ZBBX: variants seen among roughly 807,000 people sequenced by gnomAD.
ZBBX encodes zinc finger B-box domain containing.
In ZBBX, 101 loss-of-function variants were observed where a neutral mutation model predicts 108.5. That is an observed-to-expected ratio of 0.93 (90% CI 0.79 to 1.10). ZBBX has a LOEUF of 1.10. Ranked by LOEUF, ZBBX falls within the 50% of genes least tolerant of loss-of-function variation. The pLI is 0.00. For synonymous variants in ZBBX, 356 were observed against 323.4 expected, an observed-to-expected ratio of 1.10 and a Z score of -1.08; for missense variants, 1,009 against 941.4, an observed-to-expected ratio of 1.07 and a Z score of -0.94.
intron 1 of ZBBX, among the ~76,000 whole-genome samples, chr3:167,387,578 G>T (rs1747956343): frequency 6.6e-6 from 1 of 151,990 alleles, no homozygotes; most frequent in African/African-American, 2.4e-5. Flanking sequence ...TAGAATATAA[G>T]CATAGAGAAT....
chr3:167,362,138 T>C (rs1240161987), intron 6 of ZBBX, among the ~76,000 whole-genome samples: 1 of 152,060 alleles, frequency 6.6e-6, no homozygotes, highest in Non-Finnish European at 1.5e-5. Flanking sequence ...AACACACATA[T>C]ACACATATAT....
chr3:167,349,549 G>A (rs1742282802), intron 9 of ZBBX, among the ~76,000 whole-genome samples: 1 of 151,866 alleles, frequency 6.6e-6, no homozygotes, highest in African/African-American at 2.4e-5. Flanking sequence ...CACCCTTGAT[G>A]GCTACTGATA....
chr3:167,248,589 T>C (rs1394767975), intron 20 of ZBBX: 5 of 456,530 alleles, frequency 1.1e-5, no homozygotes, highest in South Asian at 7.7e-5. Flanking sequence ...TAAACAGATA[T>C]AAACAGCCTC....
intron 1 of ZBBX, among the ~76,000 whole-genome samples, chr3:167,405,875 G>A (rs1405645728): frequency 6.6e-6 from 1 of 152,130 alleles, no homozygotes; most frequent in African/African-American, 2.4e-5. Context: ...TTCAAGGCCA[G>A]CCTGGCCAAC....
At chr3:167,235,804 G>T (rs571994250), downstream of ZBBX, among the ~76,000 whole-genome samples, 1 of 151,328 alleles carries the variant, frequency 6.6e-6, no homozygotes. Context: ...CTATGCTGCC[G>T]GTTATTCCCC....
the ZBBX span, among the ~76,000 whole-genome samples, chr3:167,226,712 C>A: frequency 6.6e-6 from 1 of 151,668 alleles, no homozygotes; most frequent in Non-Finnish European, 1.5e-5. Context: ...TGCTTCAGAT[C>A]TCAACTGAAA....
chr3:167,242,363 G>A (rs184479585), intron 21 of ZBBX, 142 bp downstream of exon 21: 3 of 676,916 alleles, frequency 4.4e-6, no homozygotes, highest in African/African-American at 3.7e-5. Flanking sequence ...ATCAGCAAAG[G>A]ACCCAAACAT....
downstream of ZBBX, among the ~76,000 whole-genome samples, chr3:167,239,022 A>T (rs568147223): frequency 3.9e-5 from 6 of 151,996 alleles, no homozygotes; most frequent in Non-Finnish European, 5.9e-5. Flanking sequence ...CTATCAGTTG[A>T]TCTATCTATA....
chr3:167,237,136 A>G (rs1481341401), downstream of ZBBX, among the ~76,000 whole-genome samples: 4 of 151,772 alleles, frequency 2.6e-5, no homozygotes, highest in African/African-American at 9.7e-5. Context: ...TTTTCAAGAA[A>G]TATTTTCTAT....
At chr3:167,206,290 C>T in the ZBBX span, among the ~76,000 whole-genome samples, 2 of 151,966 alleles carry the variant, frequency 1.3e-5, no homozygotes, top group Admixed American at 6.6e-5. Flanking sequence ...CAGTTTCATC[C>T]ATGTTATCAC....
At chr3:167,242,470 A>T in intron 21 of ZBBX, 35 bp downstream of exon 21, 2 of 1,554,826 alleles carry the variant, frequency 1.3e-6, no homozygotes, top group Non-Finnish European at 1.7e-6. Context: ...TTTACTACAT[A>T]CTATATTAAT....
chr3:167,282,580 C>A, intron 19 of ZBBX, 85 bp from the exon 20 acceptor site: 1 of 1,174,796 alleles, frequency 8.5e-7, no homozygotes, highest in Non-Finnish European at 1.2e-6. Context: ...GGTCCCTGCA[C>A]ACAGAGAAGT....
the ZBBX span, among the ~76,000 whole-genome samples, chr3:167,221,015 G>A: frequency 6.6e-6 from 1 of 151,486 alleles, no homozygotes; most frequent in South Asian, 2.1e-4. Context: ...AGAAGTGAAA[G>A]GTTTCCACAA....
chr3:167,232,383 C>A, the ZBBX span, among the ~76,000 whole-genome samples: 1 of 151,758 alleles, frequency 6.6e-6, no homozygotes, highest in Non-Finnish European at 1.5e-5. Context: ...ACCTTGGCAT[C>A]TATCTGATAG....
At chr3:167,316,940 G>A (rs1735558321) in intron 14 of ZBBX, 65 bp downstream of exon 14, 3 of 900,006 alleles carry the variant, frequency 3.3e-6, no homozygotes, top group Non-Finnish European at 5.2e-6. Context: ...ATATGCAGAT[G>A]TAAGTATACA....
At position 167,240,801 on chromosome 3, in the gene ZBBX, T is replaced by A; in HGVS notation, c.2512A>T (p.Ser838Cys). 6.2e-7 allele frequency: 1 copy of A among 1,613,062 alleles called. No homozygotes were observed. Among genetic ancestry groups the A allele is most frequent in the South Asian group, 1.1e-5 (1 of 91,010 alleles). The change falls in exon 22 of 22, where the codon AGT becomes TGT. Residue 838 changes from serine (S) to cysteine (C), a missense_variant. Physicochemically the swap from Ser to Cys is moderately radical, Grantham distance 112. Coordinates refer to ENST00000675490, the MANE Select transcript of ZBBX (RefSeq NM_001199201.2). Reference sequence around the variant, plus strand: ...TAATGAACAAATAATCTTTAAGTACTCTTTGACCACGGTAGTGTGATGACA... The same window carrying A: ...TAATGAACAAATAATCTTTAAGTACACTTTGACCACGGTAGTGTGATGACA... ...QHVITLPWSK[S>C]T is the part of the protein sequence containing the mutation.
At chr3:167,368,755 A>G in intron 4 of ZBBX, 181 bp from the exon 5 acceptor site, 1 of 1,258,526 alleles carries the variant, frequency 7.9e-7, no homozygotes, top group Non-Finnish European at 9.9e-7. Context: ...CAAAATCCTG[A>G]AGCAAATTAT....
chr3:167,296,672 G>A (rs992885767), intron 18 of ZBBX, among the ~76,000 whole-genome samples: 4 of 151,888 alleles, frequency 2.6e-5, no homozygotes, highest in African/African-American at 7.2e-5. Context: ...TAACCAAGGA[G>A]GTGGAAGACT....
chr3:167,331,599 G>T (rs1738637827), intron 10 of ZBBX: 3 of 985,394 alleles, frequency 3.0e-6, no homozygotes, highest in Non-Finnish European at 3.6e-6. Context: ...GGTAGAAAAA[G>T]CTGGAGGGTT....
Sources: allele counts gnomAD v4.1 joint callset (sites outside exome capture counted in the v4.1 genomes callset), GRCh38; gene constraint gnomAD v4.1.1; transcripts MANE v1.5; gene names NCBI Gene and HGNC (gene_info 2026-07-23, HGNC 2026-07-21).